The following MGAT4C variants were observed in gnomAD, a reference collection of about 807,000 sequenced individuals.
The protein encoded by MGAT4C is alpha-1,3-mannosyl-glycoprotein 4-beta-N-acetylglucosaminyltransferase C.
A neutral mutation model predicts 40.1 loss-of-function variants in MGAT4C; 19 were observed. That is an observed-to-expected ratio of 0.47 (90% CI 0.33 to 0.70). MGAT4C has a LOEUF of 0.70. Among genes scored for constraint, MGAT4C ranks in the 30% least tolerant of loss-of-function variants. The pLI is 0.02. For synonymous variants in MGAT4C, 181 were observed against 187.1 expected (o/e 0.97, Z 0.27); for missense variants, 491 against 563.2 (o/e 0.87, Z 1.30).
chr12:86,222,333 A>C (rs918675104), intron 1 of MGAT4C, among the ~76,000 whole-genome samples: 1 of 152,240 alleles, frequency 6.6e-6, no homozygotes, highest in Non-Finnish European at 1.5e-5. Context: ...AATGAGCTTT[A>C]GTTAACTGAA....
chr12:86,773,942 C>CTTTTTTTTTTTTTTTTTTTTTTTT lies in MGAT4C; in HGVS notation c.-261-46702_-261-46701insAAAAAAAAAAAAAAAAAAAAAAAA, dbSNP rs1565980916. Among the ~76,000 whole-genome samples, 3 of 106,520 alleles carry CTTTTTTTTTTTTTTTTTTTTTTTT rather than the reference C, an allele frequency of 2.8e-5. 1 individual carries two copies. The allele number at this position is 106,520 out of a possible 152,430, so 69.9% of individuals were successfully genotyped here. A position where few individuals can be genotyped will look rare whatever the true frequency, so the allele number is the denominator to read the frequency against. On this transcript the variant is annotated intron_variant, in intron 1 of 7. Coordinates refer to the MGAT4C transcript ENST00000548651. Reference sequence around the variant, plus strand: ...ACAGGTTCACATTTTTTTAAAGTAACTTCTTTTTTTTTTTTTTTTTTTTTT... The same window carrying CTTTTTTTTTTTTTTTTTTTTTTTT: ...ACAGGTTCACATTTTTTTAAAGTAACTTTTTTTTTTTTTTTTTTTTTTTTTTCTTTTTTTTTTTTTTTTTTTTTT...
chr12:86,644,841 C>T (rs80031358), intron 2 of MGAT4C, among the ~76,000 whole-genome samples: 19,967 of 151,436 alleles, frequency 0.13, 2,060 homozygotes, highest in African/African-American at 0.29. Flanking sequence ...TAAAAAGTCA[C>T]GATTTTGATG....
At chr12:86,669,118 C>T (rs1565914877) in intron 2 of MGAT4C, among the ~76,000 whole-genome samples, 2 of 152,116 alleles carry the variant, frequency 1.3e-5, no homozygotes, top group South Asian at 2.1e-4. Context: ...CTGCTCTATG[C>T]CCAGGTAGAT....
At chr12:86,077,338 C>T (rs1279908567) in intron 1 of MGAT4C, among the ~76,000 whole-genome samples, 1 of 152,140 alleles carries the variant, frequency 6.6e-6, no homozygotes, top group Admixed American at 6.5e-5. Context: ...CACCATTTCC[C>T]AACCCAAATA....
At chr12:86,075,984 A>G (rs953527767) in intron 1 of MGAT4C, among the ~76,000 whole-genome samples, 15 of 152,146 alleles carry the variant, frequency 9.9e-5, no homozygotes, top group Admixed American at 9.8e-4. Context: ...AGTCAGCTGA[A>G]TTTCTCCACC....
At chr12:86,537,663 T>C (rs1354969165) in intron 2 of MGAT4C, among the ~76,000 whole-genome samples, 9 of 152,222 alleles carry the variant, frequency 5.9e-5, no homozygotes, top group Non-Finnish European at 1.2e-4. Context: ...CTTTAATTAA[T>C]ATTTGTTGAG....
At chr12:86,665,243 A>C (rs1964074565) in intron 2 of MGAT4C, among the ~76,000 whole-genome samples, 1 of 152,188 alleles carries the variant, frequency 6.6e-6, no homozygotes, top group Non-Finnish European at 1.5e-5. Flanking sequence ...GCCCCAAGTG[A>C]GGTGGAAAAC....
At chr12:86,605,363 A>G (rs1342502804) in intron 2 of MGAT4C, among the ~76,000 whole-genome samples, 2 of 151,802 alleles carry the variant, frequency 1.3e-5, no homozygotes, top group Non-Finnish European at 2.9e-5. Flanking sequence ...TTGTTCTTTC[A>G]CCCGTTTACT....
chr12:86,271,795 C>G (rs1952957174), intron 4 of MGAT4C, among the ~76,000 whole-genome samples: 1 of 152,156 alleles, frequency 6.6e-6, no homozygotes, highest in Admixed American at 6.5e-5. Context: ...GGTATATATA[C>G]AGCATGGACT....
chr12:86,292,764 G>T (rs1013821286), intron 4 of MGAT4C, among the ~76,000 whole-genome samples: 2 of 151,748 alleles, frequency 1.3e-5, no homozygotes, highest in African/African-American at 4.8e-5. Flanking sequence ...GAAGTCTCCT[G>T]ACAGAAGAAA....
chr12:86,319,961 G>T (rs1199098854), intron 4 of MGAT4C, among the ~76,000 whole-genome samples: 3 of 152,092 alleles, frequency 2.0e-5, no homozygotes, highest in African/African-American at 4.8e-5. Context: ...ACGATGTACT[G>T]AGTGAATTTA....
At chr12:86,082,647 T>A (rs1268161584) in intron 1 of MGAT4C, among the ~76,000 whole-genome samples, 1 of 152,126 alleles carries the variant, frequency 6.6e-6, no homozygotes, top group Non-Finnish European at 1.5e-5. Flanking sequence ...GAAAGTCTAA[T>A]ATAAGTATCA....
intron 2 of MGAT4C, among the ~76,000 whole-genome samples, chr12:86,521,296 A>T (rs1166614911): frequency 6.6e-6 from 1 of 152,154 alleles, no homozygotes; most frequent in East Asian, 1.9e-4. Context: ...TTTGCTAACC[A>T]GTTATTCTAG....
chr12:86,821,775 C>CA (rs1952710975), intron 1 of MGAT4C, among the ~76,000 whole-genome samples: 1 of 150,816 alleles, frequency 6.6e-6, no homozygotes, highest in Admixed American at 6.7e-5. Flanking sequence ...AGTGTCTAAT[C>CA]AAAAATTTTT....
intron 2 of MGAT4C, among the ~76,000 whole-genome samples, chr12:86,570,747 A>G (rs927205746): frequency 1.3e-5 from 2 of 152,146 alleles, no homozygotes; most frequent in African/African-American, 4.8e-5. Context: ...TAATTCATAT[A>G]CAACTACTTC....
rs1196027588 is a variant in MGAT4C at position 86,647,649 on chromosome 12, T to A, written c.-229+79560A>T. Among the ~76,000 whole-genome samples, 12 of 152,054 alleles carry A rather than the reference T, an allele frequency of 7.9e-5. No homozygotes were observed. The South Asian group carries it at 2.3e-3, about 29-fold the overall frequency. On this transcript the variant is annotated intron_variant, in intron 2 of 7. Transcript: ENST00000548651. Reference sequence around the variant, plus strand: ...TACTCTAGATCACATGTTACAATTCTTAGCTGGCTTACTGCCCCCATCTGA... The same window carrying A: ...TACTCTAGATCACATGTTACAATTCATAGCTGGCTTACTGCCCCCATCTGA...
intron 3 of MGAT4C, among the ~76,000 whole-genome samples, chr12:86,372,712 T>G (rs1418935276): frequency 6.6e-6 from 1 of 151,860 alleles, no homozygotes; most frequent in African/African-American, 2.4e-5. Flanking sequence ...AACTGCAACT[T>G]GCCATGTATT....
intron 1 of MGAT4C, among the ~76,000 whole-genome samples, chr12:86,150,373 A>G (rs1884121444): frequency 6.6e-6 from 1 of 152,212 alleles, no homozygotes; most frequent in Non-Finnish European, 1.5e-5. Context: ...GGCATACAAT[A>G]CTGCCTGGCA....
At chr12:86,628,781 A>C (rs556108498) in intron 2 of MGAT4C, among the ~76,000 whole-genome samples, 1 of 152,352 alleles carries the variant, frequency 6.6e-6, no homozygotes, top group South Asian at 2.1e-4. Context: ...AGTGCAAGCC[A>C]CTGCAAAAAC....
Sources: allele counts gnomAD v4.1 joint callset (sites outside exome capture counted in the v4.1 genomes callset), GRCh38; gene constraint gnomAD v4.1.1; transcripts MANE v1.5; gene names NCBI Gene and HGNC (gene_info 2026-07-23, HGNC 2026-07-21).